Variants in POMT1 observed in about 807,000 individuals in gnomAD.
The protein encoded by POMT1 is protein O-mannosyltransferase 1.
A neutral mutation model predicts 101.6 loss-of-function variants in POMT1; 85 were observed. That is an observed-to-expected ratio of 0.84 (90% confidence interval 0.70 to 1.00). The LOEUF (loss-of-function observed/expected upper bound fraction) is 1.00. Among genes scored for constraint, POMT1 ranks in the 50% least tolerant of loss-of-function variants. POMT1 has a pLI of 0.00. For missense variants in POMT1, 857 were observed against 930.4 expected (o/e 0.92, Z 1.03); for synonymous variants, 371 against 383.0 (o/e 0.97, Z 0.37).
At chr9:131,512,507 C>T (rs1254234073) in intron 11 of POMT1, among the ~76,000 whole-genome samples, 4 of 152,228 alleles carry the variant, frequency 2.6e-5, no homozygotes, top group African/African-American at 4.8e-5. Flanking sequence ...ATTCTGCCCC[C>T]AAACAAGGTC....
intron 9 of POMT1, chr9:131,511,006 T>TA: frequency 7.6e-6 from 2 of 263,680 alleles, no homozygotes; most frequent in Non-Finnish European, 1.5e-5. Flanking sequence ...TTTCAGCAAG[T>TA]TGTTTGGCTC....
intron 12 of POMT1, among the ~76,000 whole-genome samples, chr9:131,514,817 A>G (rs1488277064): frequency 6.6e-6 from 1 of 152,198 alleles, no homozygotes; most frequent in South Asian, 2.1e-4. Flanking sequence ...TTAGCCAGGC[A>G]TGGTGGCATG....
intron 2 of POMT1, 101 bp from the exon 3 acceptor site, chr9:131,506,013 C>T: frequency 6.6e-7 from 1 of 1,517,694 alleles, no homozygotes; most frequent in Non-Finnish European, 9.0e-7. Flanking sequence ...TGATCACTCA[C>T]TCAAAGTCAT....
Position 131,523,175 on chromosome 9 carries a change from G to C in POMT1, c.*69G>C, listed in dbSNP as rs1336217406. ...GGTTGAAGGGTCTTGGTCAATGTAC[G>C]TAATGAGCAGGGTGGGCCCCACGCT... On this transcript the variant is annotated 3_prime_UTR_variant, in exon 20 of 20. Transcript: ENST00000402686. The C allele has an allele frequency of 6.4e-6, 10 of 1,556,696 alleles. No individual in the cohort carries two copies. The highest frequency in any genetic ancestry group is 1.3e-5 in the African/African-American group (1 of 74,184).
chr9:131,510,901 C>T (rs563293628), intron 9 of POMT1: 3 of 306,796 alleles, frequency 9.8e-6, no homozygotes, highest in South Asian at 6.3e-5. Context: ...CTATGAACCT[C>T]GCAGCAGTGG....
In POMT1 at chr9:131,523,210, C is replaced by A; in HGVS notation, c.*104C>A. The A allele has an allele frequency of 1.4e-6, 2 of 1,428,850 alleles. No individual in the cohort carries two copies. The highest frequency in any genetic ancestry group is 1.2e-5 in the South Asian group (1 of 82,304). 88.5% of individuals were successfully genotyped at this position (1,428,850 alleles called of 1,614,324 possible). On this transcript the variant is annotated 3_prime_UTR_variant, in exon 20 of 20. Coordinates refer to ENST00000402686, the MANE Select transcript of POMT1 (RefSeq NM_001077365.2). ...GGGTGGGCCCCACGCTGGGAGGACACGGGCTGGGCTGAGCAGGGCCTCTAG... is the reference window on the plus strand; with the variant it reads ...GGGTGGGCCCCACGCTGGGAGGACAAGGGCTGGGCTGAGCAGGGCCTCTAG...
Position 131,518,433 on chromosome 9 carries a change from GT to G in POMT1, c.1273-11del, listed in dbSNP as rs1381686729. 2 of 1,603,704 alleles carry G rather than the reference GT, an allele frequency of 1.2e-6. No individual in the cohort carries two copies. Among genetic ancestry groups the G allele is most frequent in the African/African-American group, 2.7e-5 (2 of 74,698 alleles). On this transcript the variant is annotated splice_polypyrimidine_tract_variant and intron_variant, in intron 13 of 19. Transcript: ENST00000402686. ...AAAGGAATGAAATAATCCTTGAGAT[GT>G]CTTTTTGCAGGAAATTGTGAACAGA...
At chr9:131,512,853 C>T (rs906882850) in intron 11 of POMT1, among the ~76,000 whole-genome samples, 2 of 152,152 alleles carry the variant, frequency 1.3e-5, no homozygotes, top group African/African-American at 4.8e-5. Context: ...ATCAAGTGGT[C>T]CACCCAGCTC....
chr9:131,506,481 A>C, intron 4 of POMT1, 28 bp downstream of exon 4: 2 of 1,586,790 alleles, frequency 1.3e-6, no homozygotes, highest in South Asian at 1.1e-5. Context: ...TTTCCCTTTT[A>C]ATGTGCGCAG....
intron 18 of POMT1, 106 bp from the exon 19 acceptor site, chr9:131,521,941 A>T (rs1950009421): frequency 6.3e-7 from 1 of 1,576,950 alleles, no homozygotes; most frequent in Non-Finnish European, 8.6e-7. Flanking sequence ...GTTCAAAACC[A>T]GCCTGGGCAA....
rs12115566 is a variant in POMT1 at position 131,522,077 on chromosome 9, C to T, written c.1856C>T (p.Ala619Val). The change falls in exon 19 of 20, where the codon GCG (alanine) becomes GTG (valine). Residue 619 changes from alanine (A) to valine (V), a missense_variant. Ala to Val is a moderately conservative substitution (Grantham distance 64, BLOSUM62 0). Coordinates refer to ENST00000402686, the MANE Select transcript of POMT1 (RefSeq NM_001077365.2). The surrounding 1 kb of genome is among the most constrained non-coding windows in gnomAD (Gnocchi z 5.5). ...DAWLRWVLAG[A>V]LCAGGWAVNY... is the part of the protein sequence containing the mutation. Reference sequence around the variant, plus strand: ...TGGCTGCGCTGGGTGCTGGCTGGGGCGCTGTGTGCCGGTGGCTGGGCAGTG... The same window carrying T: ...TGGCTGCGCTGGGTGCTGGCTGGGGTGCTGTGTGCCGGTGGCTGGGCAGTG... 4.9e-3 allele frequency: 7,923 copies of T among 1,614,056 alleles called. 107 individuals are homozygous for T. The highest frequency in any genetic ancestry group is 0.048 in the African/African-American group (3,575 of 75,020).
At chr9:131,511,954 T>C in intron 10 of POMT1, 87 bp from the exon 11 acceptor site, 1 of 1,411,674 alleles carries the variant, frequency 7.1e-7, no homozygotes, top group Non-Finnish European at 9.9e-7. Flanking sequence ...CAAGCAGTTA[T>C]CCTACCTCAG....
At chr9:131,504,443 C>G (rs1162140031) in intron 2 of POMT1, 103 bp downstream of exon 2, 1 of 1,565,806 alleles carries the variant, frequency 6.4e-7, no homozygotes, top group East Asian at 2.3e-5. Flanking sequence ...ATCCTGGCTT[C>G]TTGGTGATAG....
intron 14 of POMT1, 125 bp downstream of exon 14, chr9:131,518,662 T>C: frequency 2.2e-6 from 3 of 1,394,312 alleles, no homozygotes; most frequent in Non-Finnish European, 3.1e-6. Flanking sequence ...TGGCTTCCTC[T>C]TACACTGAGG....
intron 2 of POMT1, among the ~76,000 whole-genome samples, chr9:131,505,879 G>A (rs1197670392): frequency 6.6e-6 from 1 of 152,054 alleles, no homozygotes; most frequent in Non-Finnish European, 1.5e-5. Flanking sequence ...GAATCTGTAT[G>A]GGCAGGCATG....
rs1442847967 is a variant in POMT1, at chr9:131,504,322, C to T, written c.104C>T (p.Thr35Ile). ...MGLLSRLWRL[T>I]YPRAVVFDEV... Reference sequence around the variant, plus strand: ...TTACTGAGCCGGCTGTGGCGACTCACCTACCCGCGGGCTGTGGTGTAAGCT... The same window carrying T: ...TTACTGAGCCGGCTGTGGCGACTCATCTACCCGCGGGCTGTGGTGTAAGCT... The change falls in exon 2 of 20, where the codon ACC (threonine) becomes ATC (isoleucine). Residue 35 changes from threonine to isoleucine, a missense_variant. By Grantham distance (89) the Thr-to-Ile change is moderately conservative. Transcript: ENST00000402686. 2 of 1,614,238 alleles carry T rather than the reference C, an allele frequency of 1.2e-6. No individual in the cohort carries two copies. Among genetic ancestry groups the T allele is most frequent in the South Asian group, 1.1e-5 (1 of 91,088 alleles).
At chr9:131,521,778 C>A (rs143189520) in intron 18 of POMT1, among the ~76,000 whole-genome samples, 375 of 152,322 alleles carry the variant, frequency 2.5e-3, no homozygotes, top group African/African-American at 8.8e-3. Context: ...TCGAGTGCAG[C>A]GTATTGGGCA....
chr9:131,515,252 C>T (rs1357588713), intron 12 of POMT1, among the ~76,000 whole-genome samples, 174 bp from the exon 13 acceptor site: 1 of 152,240 alleles, frequency 6.6e-6, no homozygotes, highest in African/African-American at 2.4e-5. Flanking sequence ...CCACTCCCAT[C>T]GCCGAGCCTC....
chr9:131,521,817 C>T (rs1357200214), intron 18 of POMT1, among the ~76,000 whole-genome samples: 1 of 152,152 alleles, frequency 6.6e-6, no homozygotes, highest in East Asian at 1.9e-4. Flanking sequence ...CCATGTTGCC[C>T]GTATGCGCTG....
Sources: gnomAD v4.1 joint callset for allele counts (sites outside exome capture counted in the v4.1 genomes callset) on GRCh38, gnomAD v4.1.1 for gene constraint, Gnocchi (gnomAD v3.1) non-coding constraint, MANE v1.5 for transcripts, NCBI Gene and HGNC (gene_info 2026-07-23, HGNC 2026-07-21) for gene names.